The following RAB14 variants were observed in gnomAD, a reference collection of about 807,000 sequenced individuals.
RAB14 encodes RAB14, member RAS oncogene family.
A neutral mutation model predicts 31.1 loss-of-function variants in RAB14; 3 were observed. That is an observed-to-expected ratio of 0.10 (90% CI 0.04 to 0.25). The LOEUF is 0.25. Among genes scored for constraint, RAB14 ranks in the 10% least tolerant of loss-of-function variants. The pLI, the probability that RAB14 is intolerant of heterozygous loss-of-function variation, is 1.00. For synonymous variants in RAB14, 85 were observed against 84.9 expected, an observed-to-expected ratio of 1.00 and a Z score of 0.00; for missense variants, 111 against 260.1, an observed-to-expected ratio of 0.43 and a Z score of 3.94.
At position 121,181,291 on chromosome 9, in the gene RAB14, T is replaced by TA; in HGVS notation, c.*104dup. The TA allele has an allele frequency of 1.7e-6, 2 of 1,197,210 alleles. No homozygotes were observed. Among genetic ancestry groups the TA allele is most frequent in the Non-Finnish European group, 2.2e-6 (2 of 889,712 alleles). The allele number at this position is 1,197,210 out of a possible 1,614,324, so 74.2% of individuals were successfully genotyped here. On this transcript the variant is annotated 3_prime_UTR_variant, in exon 8 of 8. Coordinates refer to ENST00000373840, the MANE Select transcript of RAB14 (RefSeq NM_016322.4). ...TACAACAGAGTTTTTTCTTTTTTTT[T>TA]AATTAAACCCAGTAAGATGTACAGA...
chr9:121,179,680 G>A lies in RAB14; in HGVS notation c.*1716C>T, dbSNP rs190452169. 8.5e-5 allele frequency: 13 copies of A among 152,698 alleles called. No homozygotes were observed. The highest frequency in any genetic ancestry group is 3.1e-4 in the African/African-American group (13 of 41,560). 9.5% of individuals were successfully genotyped at this position (152,698 alleles called of 1,614,324 possible). A position where few individuals can be genotyped will look rare whatever the true frequency, so the allele number is the denominator to read the frequency against. On this transcript the variant is annotated 3_prime_UTR_variant, in exon 8 of 8. Transcript: ENST00000373840. Reference sequence around the variant, plus strand: ...GTTAAACAAAGACAAAAATAAAAATGAATCCACAAATTAACCAAAGCCTAC... The same window carrying A: ...GTTAAACAAAGACAAAAATAAAAATAAATCCACAAATTAACCAAAGCCTAC...
intron 4 of RAB14, among the ~76,000 whole-genome samples, chr9:121,187,336 T>C (rs1277363338): frequency 6.6e-6 from 1 of 152,046 alleles, no homozygotes; most frequent in Non-Finnish European, 1.5e-5. Flanking sequence ...GAAATGCCAA[T>C]GTGGAGTCAA....
At chr9:121,182,340 G>A (rs1251214177) in intron 7 of RAB14, among the ~76,000 whole-genome samples, 1 of 152,156 alleles carries the variant, frequency 6.6e-6, no homozygotes, top group Non-Finnish European at 1.5e-5. Flanking sequence ...GCTTAGCCAC[G>A]TTAACACCTC....
chr9:121,183,203 G>C (rs2053642525), intron 6 of RAB14, 108 bp downstream of exon 6: 3 of 897,302 alleles, frequency 3.3e-6, no homozygotes, highest in Non-Finnish European at 5.3e-6. Flanking sequence ...TGAGATTTCT[G>C]AGTCTGCATT....
rs1158125844 is a variant in RAB14, at chr9:121,181,018, G to A, written c.*378C>T. 6.2e-6 allele frequency: 1 copy of A among 161,994 alleles called. No individual in the cohort carries two copies. The highest frequency in any genetic ancestry group is 2.4e-5 in the African/African-American group (1 of 41,860). 10.0% of individuals were successfully genotyped at this position (161,994 alleles called of 1,614,324 possible). On this transcript the variant is annotated 3_prime_UTR_variant, in exon 8 of 8. Coordinates refer to ENST00000373840, the MANE Select transcript of RAB14 (RefSeq NM_016322.4). Reference sequence around the variant, plus strand: ...ATACTTGAACAGTTAAGGATGGGAAGAAAGGCTTAAGATATCACCAAATTA... The same window carrying A: ...ATACTTGAACAGTTAAGGATGGGAAAAAAGGCTTAAGATATCACCAAATTA...
chr9:121,194,628 G>A (rs2053705302), intron 1 of RAB14, among the ~76,000 whole-genome samples: 1 of 152,032 alleles, frequency 6.6e-6, no homozygotes, highest in African/African-American at 2.4e-5. Context: ...AAAAAAATCT[G>A]ACTTACAGTA....
At chr9:121,190,758 C>T (rs771874070) in intron 3 of RAB14, 27 bp from the exon 4 acceptor site, 30 of 1,604,566 alleles carry the variant, frequency 1.9e-5, no homozygotes, top group Non-Finnish European at 2.3e-5. Context: ...AAAGTAATAG[C>T]CCAATTTTCA....
chr9:121,188,421 C>G (rs1313645455), intron 4 of RAB14, among the ~76,000 whole-genome samples: 1 of 151,718 alleles, frequency 6.6e-6, no homozygotes, highest in East Asian at 1.9e-4. Flanking sequence ...ATATTACTTA[C>G]ATGTACTATA....
At chr9:121,187,933 C>G (rs2053666496) in intron 4 of RAB14, among the ~76,000 whole-genome samples, 1 of 151,968 alleles carries the variant, frequency 6.6e-6, no homozygotes, top group South Asian at 2.1e-4. Flanking sequence ...AACTCTTTTA[C>G]AAATACCACA....
chr9:121,183,481 T>C, intron 5 of RAB14, 83 bp from the exon 6 acceptor site: 3 of 1,107,664 alleles, frequency 2.7e-6, no homozygotes, highest in Non-Finnish European at 4.0e-6. Flanking sequence ...TCCAAAAATC[T>C]TGATAGAAAA....
chr9:121,198,279 A>G (rs1393133713), intron 1 of RAB14, among the ~76,000 whole-genome samples: 1 of 152,214 alleles, frequency 6.6e-6, no homozygotes, highest in Non-Finnish European at 1.5e-5. Flanking sequence ...CACTCATAAT[A>G]TTCCCAACAT....
chr9:121,183,542 A>G, intron 5 of RAB14, 144 bp from the exon 6 acceptor site: 3 of 628,900 alleles, frequency 4.8e-6, no homozygotes, highest in Middle Eastern at 4.2e-4. Flanking sequence ...TCCACTAGAC[A>G]GGGCTACAGA....
chr9:121,194,327 A>G (rs2132027988), intron 1 of RAB14, among the ~76,000 whole-genome samples: 1 of 152,296 alleles, frequency 6.6e-6, no homozygotes, highest in Admixed American at 6.5e-5. Flanking sequence ...ATGGTTGCAA[A>G]ATTTGAAAGC....
At chr9:121,197,165 A>C (rs941510086) in intron 1 of RAB14, among the ~76,000 whole-genome samples, 2 of 152,212 alleles carry the variant, frequency 1.3e-5, no homozygotes, top group Non-Finnish European at 2.9e-5. Flanking sequence ...ATTTAGCTAT[A>C]AACTACCCTT....
At chr9:121,198,385 C>A (rs2053730500) in intron 1 of RAB14, among the ~76,000 whole-genome samples, 1 of 152,064 alleles carries the variant, frequency 6.6e-6, no homozygotes, top group Non-Finnish European at 1.5e-5. Flanking sequence ...TAGTAGAGGG[C>A]ATATTTTTGG....
intron 5 of RAB14, 47 bp downstream of exon 5, chr9:121,186,906 A>G: frequency 1.5e-6 from 2 of 1,348,170 alleles, no homozygotes; most frequent in Non-Finnish European, 2.0e-6. Flanking sequence ...TTTTTGGGTT[A>G]GCTTAGTTCT....
Position 121,178,903 on chromosome 9 carries a change from T to C in RAB14, c.*2493A>G, listed in dbSNP as rs1279517905. On this transcript the variant is annotated 3_prime_UTR_variant, in exon 8 of 8. Coordinates refer to ENST00000373840, the MANE Select transcript of RAB14 (RefSeq NM_016322.4). ...GATTAAAAATTAAAAGGATTTCACA[T>C]TCTTTCCAAAGTGTACTGCCCGGTG... 4 of 152,212 alleles carry C rather than the reference T, an allele frequency of 2.6e-5. No individual in the cohort carries two copies. Among genetic ancestry groups the C allele is most frequent in the African/African-American group, 9.6e-5 (4 of 41,458 alleles). 9.4% of individuals were successfully genotyped at this position (152,212 alleles called of 1,614,324 possible).
chr9:121,186,267 G>A (rs532247712), intron 5 of RAB14, among the ~76,000 whole-genome samples: 1 of 152,232 alleles, frequency 6.6e-6, no homozygotes, highest in Admixed American at 6.5e-5. Context: ...AGGCTCTCCA[G>A]CACTGTGCCA....
intron 4 of RAB14, among the ~76,000 whole-genome samples, chr9:121,187,375 C>T (rs1018576085): frequency 6.6e-6 from 1 of 152,062 alleles, no homozygotes. Flanking sequence ...ATCATACAGA[C>T]TTTCAATCAC....
Sources: gnomAD v4.1 joint callset for allele counts (sites outside exome capture counted in the v4.1 genomes callset) on GRCh38, gnomAD v4.1.1 for gene constraint, MANE v1.5 for transcripts, NCBI Gene and HGNC (gene_info 2026-07-23, HGNC 2026-07-21) for gene names.